The following ENOX1 variants were observed in gnomAD, a reference collection of about 807,000 sequenced individuals.
The protein encoded by ENOX1 is candidate growth-related and time keeping constitutive hydroquinone (NADH) oxidase.
In ENOX1, 42 loss-of-function variants were observed where a neutral mutation model predicts 82.5. The ratio of observed to expected loss-of-function variants is 0.51; its 90% CI spans 0.40 to 0.66. The LOEUF is 0.66. ENOX1 is among the 30% of genes least tolerant of loss of function. The pLI, the probability that ENOX1 is intolerant of heterozygous loss-of-function variation, is 0.00. For missense variants in ENOX1, 608 were observed against 811.6 expected (o/e 0.75, Z 3.05); for synonymous variants, 271 against 282.2 (o/e 0.96, Z 0.40).
At chr13:43,521,756 G>T (rs147052309) in intron 2 of ENOX1, among the ~76,000 whole-genome samples, 2 of 152,076 alleles carry the variant, frequency 1.3e-5, no homozygotes, top group Admixed American at 1.3e-4. Flanking sequence ...TCTTCTACTG[G>T]ACTGGGAGCT....
At chr13:43,615,722 C>T (rs1211495907) in intron 2 of ENOX1, among the ~76,000 whole-genome samples, 1 of 151,950 alleles carries the variant, frequency 6.6e-6, no homozygotes, top group Non-Finnish European at 1.5e-5. Flanking sequence ...AGGCATTTCT[C>T]CTAATGCTAT....
intron 3 of ENOX1, among the ~76,000 whole-genome samples, chr13:43,426,257 A>T (rs1193644791): frequency 6.6e-6 from 1 of 152,202 alleles, no homozygotes; most frequent in East Asian, 1.9e-4. Context: ...AAGAATACAG[A>T]TGAGAGAGAA....
At chr13:43,486,013 A>C (rs1456935350) in intron 2 of ENOX1, among the ~76,000 whole-genome samples, 1 of 152,196 alleles carries the variant, frequency 6.6e-6, no homozygotes, top group Non-Finnish European at 1.5e-5. Context: ...GATGGAGGCC[A>C]TCCTGGCTAA....
intron 1 of ENOX1, among the ~76,000 whole-genome samples, chr13:43,721,706 T>C (rs9533597): frequency 0.066 from 10,089 of 152,180 alleles, 418 homozygotes; most frequent in East Asian, 0.093. Flanking sequence ...TGGCACTTTT[T>C]CCCCTGCTTT....
At chr13:43,732,502 T>C (rs1335007484) in intron 1 of ENOX1, among the ~76,000 whole-genome samples, 2 of 152,210 alleles carry the variant, frequency 1.3e-5, no homozygotes, top group Non-Finnish European at 2.9e-5. Flanking sequence ...TTGAAAAATA[T>C]GTACCAAGTA....
intron 5 of ENOX1, among the ~76,000 whole-genome samples, chr13:43,393,645 T>A (rs775681023): frequency 6.6e-6 from 1 of 152,116 alleles, no homozygotes; most frequent in Non-Finnish European, 1.5e-5. Flanking sequence ...AAAGAGAGGA[T>A]GAATGATTAA....
intron 2 of ENOX1, among the ~76,000 whole-genome samples, chr13:43,580,109 A>G (rs1176584799): frequency 2.0e-5 from 3 of 152,234 alleles, no homozygotes; most frequent in African/African-American, 4.8e-5. Context: ...GAATGAGTCA[A>G]TGGGCTTCTA....
At chr13:43,218,658 G>T (rs2041619052) in intron 16 of ENOX1, among the ~76,000 whole-genome samples, 1 of 152,122 alleles carries the variant, frequency 6.6e-6, no homozygotes, top group South Asian at 2.1e-4. Context: ...AATTCTAGAA[G>T]AATTCCTTAA....
intron 2 of ENOX1, among the ~76,000 whole-genome samples, chr13:43,557,033 T>G (rs1307679800): frequency 6.6e-6 from 1 of 152,228 alleles, no homozygotes; most frequent in African/African-American, 2.4e-5. Context: ...AGGCACACAG[T>G]GCAGTGCGAA....
At chr13:43,258,698 C>T (rs1210735038) in intron 14 of ENOX1, among the ~76,000 whole-genome samples, 1 of 152,114 alleles carries the variant, frequency 6.6e-6, no homozygotes, top group Non-Finnish European at 1.5e-5. Flanking sequence ...CAAAGTGGCT[C>T]CTGATTTTCC....
intron 2 of ENOX1, among the ~76,000 whole-genome samples, chr13:43,554,534 C>T (rs533231369): frequency 2.0e-5 from 3 of 152,262 alleles, no homozygotes; most frequent in East Asian, 1.9e-4. Context: ...GTAGCCAGTA[C>T]AAAAACATGC....
chr13:43,428,359 C>A (rs764725254), intron 3 of ENOX1, among the ~76,000 whole-genome samples: 1 of 152,144 alleles, frequency 6.6e-6, no homozygotes, highest in African/African-American at 2.4e-5. Flanking sequence ...TGAGGGCAAA[C>A]TGATGGTTTA....
chr13:43,739,246 T>C (rs2089780392), intron 1 of ENOX1, among the ~76,000 whole-genome samples: 1 of 152,160 alleles, frequency 6.6e-6, no homozygotes, highest in Admixed American at 6.6e-5. Context: ...CACAATGTTA[T>C]CAATTAATGA....
At chr13:43,377,507 C>G (rs1231809347) in intron 5 of ENOX1, among the ~76,000 whole-genome samples, 1 of 152,144 alleles carries the variant, frequency 6.6e-6, no homozygotes, top group Non-Finnish European at 1.5e-5. Context: ...ATCGTTTTCC[C>G]ACGAACAAAA....
intron 12 of ENOX1, among the ~76,000 whole-genome samples, chr13:43,287,389 G>A (rs1041517366): frequency 1.3e-5 from 2 of 152,202 alleles, no homozygotes; most frequent in South Asian, 2.1e-4. Context: ...ACACTTGTGA[G>A]TAGCTTTTCA....
chr13:43,582,496 T>C (rs2080789750), intron 2 of ENOX1, among the ~76,000 whole-genome samples: 2 of 152,140 alleles, frequency 1.3e-5, no homozygotes, highest in Non-Finnish European at 2.9e-5. Flanking sequence ...TCAAGGGGGA[T>C]AATGAAGGAG....
At chr13:43,242,130 C>G (rs2042865560) in intron 14 of ENOX1, among the ~76,000 whole-genome samples, 1 of 152,218 alleles carries the variant, frequency 6.6e-6, no homozygotes, top group Admixed American at 6.5e-5. Context: ...TCCAACAAAT[C>G]TACTCTGAGA....
intron 2 of ENOX1, among the ~76,000 whole-genome samples, chr13:43,590,952 G>A (rs547722326): frequency 5.2e-4 from 79 of 152,218 alleles, no homozygotes; most frequent in African/African-American, 1.9e-3. Flanking sequence ...AAACCAGGAG[G>A]TATCATTTGA....
chr13:43,550,721 C>T (rs1234642591), intron 2 of ENOX1, among the ~76,000 whole-genome samples: 2 of 152,152 alleles, frequency 1.3e-5, no homozygotes, highest in African/African-American at 4.8e-5. Context: ...TGATAATGTG[C>T]TCAAAAACTA....
Sources: gnomAD v4.1 joint callset for allele counts (sites outside exome capture counted in the v4.1 genomes callset) on GRCh38, gnomAD v4.1.1 for gene constraint, MANE v1.5 for transcripts, NCBI Gene and HGNC (gene_info 2026-07-23, HGNC 2026-07-21) for gene names.